SOX6: variants seen among roughly 807,000 people sequenced by gnomAD.
SOX6 encodes the protein transcription factor SOX-6.
Under a neutral mutation model 97.8 loss-of-function variants are expected in SOX6, and 11 were observed. The ratio of observed to expected loss-of-function variants is 0.11; its 90% CI spans 0.07 to 0.19. The LOEUF (loss-of-function observed/expected upper bound fraction) is 0.19, where lower values mean the gene tolerates loss of function less well. SOX6 is among the 10% of genes least tolerant of loss of function. SOX6 has a pLI of 1.00. For synonymous variants in SOX6, 360 were observed against 371.4 expected (o/e 0.97, Z 0.35); for missense variants, 810 against 1,039.5 (o/e 0.78, Z 3.04).
At chr11:16,248,380 A>G (rs1853403526) in intron 3 of SOX6, among the ~76,000 whole-genome samples, 1 of 151,934 alleles carries the variant, frequency 6.6e-6, no homozygotes, top group South Asian at 2.1e-4. Flanking sequence ...CCAATCCCAC[A>G]TTTTCCTTCC....
At chr11:16,225,417 C>T (rs755348775) in intron 4 of SOX6, among the ~76,000 whole-genome samples, 9 of 150,130 alleles carry the variant, frequency 6.0e-5, no homozygotes, top group Non-Finnish European at 1.0e-4. Context: ...TCTTGTAAAA[C>T]CACTCTAGTC....
chr11:16,323,059 C>T (rs1242754311), intron 2 of SOX6, among the ~76,000 whole-genome samples: 4 of 152,022 alleles, frequency 2.6e-5, no homozygotes, highest in African/African-American at 9.7e-5. Flanking sequence ...TTTCTTTCAA[C>T]CCCTAACTTC....
chr11:16,145,244 A>T (rs1488574430), intron 6 of SOX6, among the ~76,000 whole-genome samples: 1 of 152,244 alleles, frequency 6.6e-6, no homozygotes, highest in Non-Finnish European at 1.5e-5. Context: ...AACCAAAGAC[A>T]AAAACCACAT....
At chr11:16,441,156 C>G (rs1226791153) in intron 1 of SOX6, among the ~76,000 whole-genome samples, 1 of 152,120 alleles carries the variant, frequency 6.6e-6, no homozygotes, top group Non-Finnish European at 1.5e-5. Context: ...TCAGGTACCA[C>G]CTCTTTTCCT....
chr11:16,132,401 A>AGAAAGAAAG (rs34012369), intron 6 of SOX6, among the ~76,000 whole-genome samples: 1 of 43,834 alleles, frequency 2.3e-5, no homozygotes, highest in African/African-American at 1.1e-4. Context: ...AAAGAAAGAA[A>AGAAAGAAAG]AAAGAAAGAA....
chr11:16,597,107 G>A (rs1478685293), intron 4 of SOX6, among the ~76,000 whole-genome samples: 1 of 152,080 alleles, frequency 6.6e-6, no homozygotes, highest in East Asian at 1.9e-4. Context: ...AAGTTAGTAT[G>A]GCTGGTAAGT....
intron 3 of SOX6, among the ~76,000 whole-genome samples, chr11:16,676,693 T>C (rs536536310): frequency 3.5e-4 from 54 of 152,256 alleles, no homozygotes; most frequent in Non-Finnish European, 5.9e-4. Flanking sequence ...CAACAGAGAT[T>C]TCCTTAAATG....
At chr11:16,076,849 G>C (rs1416254987) in intron 9 of SOX6, among the ~76,000 whole-genome samples, 2 of 148,806 alleles carry the variant, frequency 1.3e-5, no homozygotes, top group African/African-American at 5.0e-5. Context: ...CGCTTCCCGG[G>C]TTCACGCCAT....
Position 16,398,929 on chromosome 11 carries a change from T to A in SOX6, c.-4-57677A>T, listed in dbSNP as rs979075905. 2.0e-5 allele frequency among the ~76,000 whole-genome samples: 3 copies of A among 151,516 alleles called. No homozygotes were observed. In the South Asian group the frequency reaches 6.2e-4, roughly 31 times the overall value. On this transcript the variant is annotated intron_variant, in intron 1 of 15. Coordinates refer to the SOX6 transcript ENST00000396356. ...TTGAAATTCTAATCATTTATTTTTA[T>A]TTTCATAGAATCTTTTAAGAAAGGT... is the stretch of plus-strand genomic sequence containing the variant.
intron 13 of SOX6, among the ~76,000 whole-genome samples, chr11:16,003,887 TC>T (rs1246911046): frequency 1.2e-4 from 19 of 152,100 alleles, no homozygotes; most frequent in Admixed American, 3.9e-4. Flanking sequence ...ACTGTGCAGT[TC>T]TGAGATGCCA....
At chr11:16,295,209 T>A (rs926714516) in intron 3 of SOX6, among the ~76,000 whole-genome samples, 2 of 152,124 alleles carry the variant, frequency 1.3e-5, no homozygotes, top group Non-Finnish European at 2.9e-5. Context: ...AAATCAAGAC[T>A]GAAAGTTCTA....
At chr11:16,638,090 G>A (rs1468335871) in intron 3 of SOX6, among the ~76,000 whole-genome samples, 1 of 131,048 alleles carries the variant, frequency 7.6e-6, no homozygotes, top group African/African-American at 2.9e-5. Flanking sequence ...GGTGTGTGAT[G>A]TTCCCCTTCC....
At position 16,305,688 on chromosome 11, in the gene SOX6, T is replaced by G. The variant is rs187570586; in HGVS notation, c.445+12758A>C. On this transcript the variant is annotated intron_variant, in intron 3 of 15. Coordinates refer to ENST00000683767, the MANE Select transcript of SOX6 (RefSeq NM_001367873.1). ...AGTAAATAGTTAAACATATGTGATT[T>G]ATACATATGATGCATACCATGGAAT... Among the ~76,000 whole-genome samples, 31 of 152,358 alleles carry G rather than the reference T, an allele frequency of 2.0e-4. No individual in the cohort carries two copies. The East Asian group carries it at 2.7e-3, about 13-fold the overall frequency.
At chr11:16,360,182 A>G (rs1857173513), upstream of SOX6, among the ~76,000 whole-genome samples, 1 of 152,170 alleles carries the variant, frequency 6.6e-6, no homozygotes, top group South Asian at 2.1e-4. Flanking sequence ...GAGAAGGGAG[A>G]CTGAGTAGCT....
intron 4 of SOX6, among the ~76,000 whole-genome samples, chr11:16,520,078 C>T (rs1002557377): frequency 2.6e-5 from 4 of 152,116 alleles, no homozygotes; most frequent in African/African-American, 7.2e-5. Flanking sequence ...TGTGTAAATT[C>T]GTCATAGATT....
At chr11:16,700,122 A>G (rs149931149) in intron 3 of SOX6, among the ~76,000 whole-genome samples, 1 of 152,328 alleles carries the variant, frequency 6.6e-6, no homozygotes, top group East Asian at 1.9e-4. Flanking sequence ...ACTCTTGGCT[A>G]AAATGAAAAG....
At chr11:16,567,370 T>G (rs1213293766) in intron 4 of SOX6, 1 of 152,134 alleles carries the variant, frequency 6.6e-6, no homozygotes, top group Non-Finnish European at 1.5e-5. Context: ...TTCAACTGTT[T>G]CTTCTCACCT....
chr11:16,081,053 C>A (rs1848462034), intron 9 of SOX6, among the ~76,000 whole-genome samples: 1 of 151,908 alleles, frequency 6.6e-6, no homozygotes, highest in Admixed American at 6.6e-5. Flanking sequence ...TGTACCACGG[C>A]ACTCCAGCCT....
chr11:16,010,601 TAA>T (rs1854688295), intron 13 of SOX6, among the ~76,000 whole-genome samples: 1 of 151,748 alleles, frequency 6.6e-6, no homozygotes, highest in Non-Finnish European at 1.5e-5. Flanking sequence ...ACCCCAGGTA[TAA>T]GAGAAAAAAG....
Sources: allele counts gnomAD v4.1 joint callset (sites outside exome capture counted in the v4.1 genomes callset), GRCh38; gene constraint gnomAD v4.1.1; transcripts MANE v1.5; gene names NCBI Gene and HGNC (gene_info 2026-07-23, HGNC 2026-07-21).